The following RSRP1 variants were observed in gnomAD, a reference collection of about 807,000 sequenced individuals.
The protein encoded by RSRP1 is arginine/serine-rich protein 1.
Under a neutral mutation model 33.0 loss-of-function variants are expected in RSRP1, and 37 were observed. The observed-to-expected ratio is 1.12, with a 90% CI of 0.86 to 1.48. The LOEUF (loss-of-function observed/expected upper bound fraction) is 1.48, where lower values mean the gene tolerates loss of function less well. Among genes scored for constraint, RSRP1 ranks in the 40% most tolerant of loss-of-function variants. RSRP1 has a pLI of 0.00. For synonymous variants in RSRP1, 167 were observed against 158.7 expected (o/e 1.05, Z -0.40); for missense variants, 402 against 385.3 (o/e 1.04, Z -0.36).
At chr1:25,288,617 T>A (rs1483531294) in intron 1 of RSRP1, among the ~76,000 whole-genome samples, 2 of 127,298 alleles carry the variant, frequency 1.6e-5, no homozygotes, top group African/African-American at 5.4e-5. Context: ...AGGCATTGGG[T>A]CCACCTTATA....
At position 25,274,077 on chromosome 1, in the gene RSRP1, A is replaced by G. The variant is rs1295576138; in HGVS notation, c.-66-27048T>C. Among the ~76,000 whole-genome samples, 2 of 132,720 alleles carry G rather than the reference A, an allele frequency of 1.5e-5. 1 individual carries two copies. Among genetic ancestry groups the G allele is most frequent in the East Asian group, 3.9e-4 (2 of 5,152 alleles). The allele number at this position is 132,720 out of a possible 152,430, so 87.1% of individuals were successfully genotyped here. On this transcript the variant is annotated intron_variant, in intron 1 of 1. Coordinates refer to the RSRP1 transcript ENST00000561867. ...TTCATTCAACCATGTATGACATCCAATGTGGGATCCAGACTCATGATGATT... is the reference window on the plus strand; with the variant it reads ...TTCATTCAACCATGTATGACATCCAGTGTGGGATCCAGACTCATGATGATT...
Position 25,307,889 on chromosome 1 carries a change from T to A in RSRP1, c.-67+30089A>T. 2 of 1,158,324 alleles carry A rather than the reference T, an allele frequency of 1.7e-6. 1 individual carries two copies. The highest frequency in any genetic ancestry group is 3.0e-5 in the African/African-American group (2 of 65,954). 71.8% of individuals were successfully genotyped at this position (1,158,324 alleles called of 1,614,324 possible). A position where few individuals can be genotyped will look rare whatever the true frequency, so the allele number is the denominator to read the frequency against. Reference sequence around the variant, plus strand: ...AAGGCGCCTCTGTGATGGGTTCCAGTGATGTGTCTGCCACTGTCTTAATAA... The same window carrying A: ...AAGGCGCCTCTGTGATGGGTTCCAGAGATGTGTCTGCCACTGTCTTAATAA... On this transcript the variant is annotated intron_variant, in intron 1 of 1. Transcript: ENST00000561867.
rs376824489 is a variant in RSRP1 at position 25,268,165 on chromosome 1, C to A, written c.-66-21136G>T. 1.3e-4 allele frequency among the ~76,000 whole-genome samples: 17 copies of A among 133,982 alleles called. No individual in the cohort carries two copies. The East Asian group carries it at 3.1e-3, about 25-fold the overall frequency. The allele number at this position is 133,982 out of a possible 152,430, so 87.9% of individuals were successfully genotyped here. A position where few individuals can be genotyped will look rare whatever the true frequency, so the allele number is the denominator to read the frequency against. On this transcript the variant is annotated intron_variant, in intron 1 of 1. Transcript: ENST00000561867. ...GGTGCTGAGGATACAACAGCAACCA[C>A]AGCAGTCAAAAGTCCCTGTCTTCAT...
At chr1:25,263,358 A>C (rs1403912134) in intron 1 of RSRP1, among the ~76,000 whole-genome samples, 1 of 151,938 alleles carries the variant, frequency 6.6e-6, no homozygotes, top group African/African-American at 2.4e-5. Context: ...AATTTACAAA[A>C]GAAAGAGAGG....
chr1:25,321,856 A>T, intron 1 of RSRP1: 1 of 1,054,526 alleles, frequency 9.5e-7, no homozygotes, highest in Non-Finnish European at 1.5e-6. Context: ...CTGTGCTCCA[A>T]ATCTTTTAAC....
intron 1 of RSRP1, among the ~76,000 whole-genome samples, chr1:25,287,316 T>C (rs2124631976): frequency 7.5e-6 from 1 of 134,016 alleles, no homozygotes; most frequent in East Asian, 1.9e-4. Context: ...GCTCCCCTCA[T>C]CTGATGTCCA....
rs1207349656 is a variant in RSRP1 at position 25,314,230 on chromosome 1, AT to A, written c.-67+23747del. Among the ~76,000 whole-genome samples the A allele has an allele frequency of 5.3e-5, 7 of 132,598 alleles. 2 individuals carry two copies. The highest frequency in any genetic ancestry group is 1.3e-4 in the African/African-American group (5 of 38,874). The allele number at this position is 132,598 out of a possible 152,430, so 87.0% of individuals were successfully genotyped here. A position where few individuals can be genotyped will look rare whatever the true frequency, so the allele number is the denominator to read the frequency against. Reference sequence around the variant, plus strand: ...TGTATAGAAGCTCCTTTTACTCCACATTTTGCCAACACTTGGTGTTTTCCTT... The same window carrying A: ...TGTATAGAAGCTCCTTTTACTCCACATTTGCCAACACTTGGTGTTTTCCTT... On this transcript the variant is annotated intron_variant, in intron 1 of 1. Transcript: ENST00000561867.
Position 25,269,360 on chromosome 1 carries a change from T to C in RSRP1, c.-66-22331A>G, listed in dbSNP as rs1640424450. Among the ~76,000 whole-genome samples the C allele has an allele frequency of 1.5e-5, 2 of 132,928 alleles. 1 individual carries two copies. Among genetic ancestry groups the C allele is most frequent in the Admixed American group, 1.5e-4 (2 of 13,720 alleles). 87.2% of individuals were successfully genotyped at this position (132,928 alleles called of 152,430 possible). A position where few individuals can be genotyped will look rare whatever the true frequency, so the allele number is the denominator to read the frequency against. ...CATGTGTGTTGCTTTCGCGCCATCA[T>C]AAAGTTGAAAAGCGTTAAGTCAAAC... On this transcript the variant is annotated intron_variant, in intron 1 of 1. Coordinates refer to the RSRP1 transcript ENST00000561867.
rs780001468 is a variant in RSRP1 at position 25,306,635 on chromosome 1, A to G, written c.-67+31343T>C. ...AGTGCTGGGGATTCCCCACAGCTCC[A>G]TCATGGGCTACAACTTCAGCTTGCT... On this transcript the variant is annotated intron_variant, in intron 1 of 1. Transcript: ENST00000561867. 8.7e-6 allele frequency: 12 copies of G among 1,378,452 alleles called. 2 individuals carry two copies. Among genetic ancestry groups the G allele is most frequent in the Middle Eastern group, 1.8e-4 (1 of 5,524 alleles). The allele number at this position is 1,378,452 out of a possible 1,614,324, so 85.4% of individuals were successfully genotyped here. A position where few individuals can be genotyped will look rare whatever the true frequency, so the allele number is the denominator to read the frequency against.
rs1301217223 is a variant in RSRP1, at chr1:25,306,228, C to A, written c.-67+31750G>T. Among the ~76,000 whole-genome samples, 9 of 131,684 alleles carry A rather than the reference C, an allele frequency of 6.8e-5. 1 individual carries two copies. The highest frequency in any genetic ancestry group is 2.1e-4 in the African/African-American group (8 of 38,168). 86.4% of individuals were successfully genotyped at this position (131,684 alleles called of 152,430 possible). A position where few individuals can be genotyped will look rare whatever the true frequency, so the allele number is the denominator to read the frequency against. ...AGCTCGTGGGGAGAGACCAGGGATG[C>A]TGCTTAACATCCTACAGTACACAGG... On this transcript the variant is annotated intron_variant, in intron 1 of 1. Transcript: ENST00000561867.
At chr1:25,299,391 A>T (rs1374599106) in intron 1 of RSRP1, among the ~76,000 whole-genome samples, 1 of 130,430 alleles carries the variant, frequency 7.7e-6, no homozygotes, top group Admixed American at 7.5e-5. Flanking sequence ...AAAAATAAAT[A>T]AATAAATAAA....
chr1:25,319,959 C>T (rs1472659797), intron 1 of RSRP1, among the ~76,000 whole-genome samples: 3 of 130,968 alleles, frequency 2.3e-5, no homozygotes, highest in East Asian at 2.0e-4. Flanking sequence ...AGTGCAATGG[C>T]GCTATCTCGG....
In RSRP1 at chr1:25,281,447, A is replaced by C. The variant is rs1419063872; in HGVS notation, c.-66-34418T>G. Among the ~76,000 whole-genome samples the C allele has an allele frequency of 1.5e-5, 2 of 132,214 alleles. 1 individual carries two copies. The highest frequency in any genetic ancestry group is 3.6e-5 in the Non-Finnish European group (2 of 55,934). The allele number at this position is 132,214 out of a possible 152,430, so 86.7% of individuals were successfully genotyped here. A position where few individuals can be genotyped will look rare whatever the true frequency, so the allele number is the denominator to read the frequency against. On this transcript the variant is annotated intron_variant, in intron 1 of 1. Transcript: ENST00000561867. Reference sequence around the variant, plus strand: ...TGGGCCCTATGCATATAGCATTGCTACAAAATGGCAGATGCACTTTAACAA... The same window carrying C: ...TGGGCCCTATGCATATAGCATTGCTCCAAAATGGCAGATGCACTTTAACAA...
intron 1 of RSRP1, among the ~76,000 whole-genome samples, chr1:25,321,498 TAA>T (rs1214598540): frequency 1.4e-4 from 11 of 76,328 alleles, no homozygotes; most frequent in African/African-American, 3.8e-4. Context: ...CCATCTCTAC[TAA>T]AAAAAAAAAA....
In RSRP1 at chr1:25,291,822, T is replaced by A. The variant is rs558603405; in HGVS notation, c.-66-44793A>T. Reference sequence around the variant, plus strand: ...GGCCAATCCAAATGGCTCTCCCAGATCCTCTGCTGTAACCCTGACCCTGAG... The same window carrying A: ...GGCCAATCCAAATGGCTCTCCCAGAACCTCTGCTGTAACCCTGACCCTGAG... On this transcript the variant is annotated intron_variant, in intron 1 of 1. Coordinates refer to the RSRP1 transcript ENST00000561867. Among the ~76,000 whole-genome samples, 4 of 132,640 alleles carry A rather than the reference T, an allele frequency of 3.0e-5. 1 individual carries two copies. The highest frequency in any genetic ancestry group is 1.8e-5 in the Non-Finnish European group (1 of 55,910). The allele number at this position is 132,640 out of a possible 152,430, so 87.0% of individuals were successfully genotyped here.
At chr1:25,295,622 G>A (rs1486356090) in intron 1 of RSRP1, among the ~76,000 whole-genome samples, 1 of 105,876 alleles carries the variant, frequency 9.4e-6, no homozygotes, top group African/African-American at 3.2e-5. Context: ...GGAAAGAGAC[G>A]AGCGGTCAAG....
At chr1:25,308,979 T>G (rs1215922676) in intron 1 of RSRP1, among the ~76,000 whole-genome samples, 1 of 131,696 alleles carries the variant, frequency 7.6e-6, no homozygotes, top group Admixed American at 7.4e-5. Flanking sequence ...CATAGCCCCG[T>G]TCTTTATGAT....
At chr1:25,254,520 C>T (rs1639889051) in intron 1 of RSRP1, among the ~76,000 whole-genome samples, 1 of 152,144 alleles carries the variant, frequency 6.6e-6, no homozygotes, top group Non-Finnish European at 1.5e-5. Context: ...ACTGCAACTT[C>T]CACCTCCCCA....
intron 1 of RSRP1, 32 bp downstream of exon 1, chr1:25,247,255 CTCCTGAGAGACCACTGCGGTGG>C (rs549478087): frequency 3.8e-5 from 15 of 399,800 alleles, no homozygotes; most frequent in East Asian, 1.1e-4. Context: ...CCGTCCCTCA[CTCCTGAGAGACCACTGCGGTGG>C]TCCTGAGAGA....
Sources: allele counts gnomAD v4.1 joint callset (sites outside exome capture counted in the v4.1 genomes callset), GRCh38; gene constraint gnomAD v4.1.1; transcripts MANE v1.5; gene names NCBI Gene and HGNC (gene_info 2026-07-23, HGNC 2026-07-21).